The following SLC17A1 variants were observed in gnomAD, a reference collection of about 807,000 sequenced individuals.
The protein encoded by SLC17A1 is sodium-dependent phosphate transport protein 1.
A neutral mutation model predicts 53.5 loss-of-function variants in SLC17A1; 51 were observed. The observed-to-expected ratio is 0.95, with a 90% confidence interval of 0.76 to 1.20. SLC17A1 has a LOEUF of 1.20. Ranked by LOEUF, SLC17A1 falls within the 50% of genes most tolerant of loss-of-function variation. The pLI is 0.00. For synonymous variants in SLC17A1, 179 were observed against 198.8 expected, an observed-to-expected ratio of 0.90 and a Z score of 0.84; for missense variants, 538 against 568.2, an observed-to-expected ratio of 0.95 and a Z score of 0.54.
the SLC17A1 span, chr6:25,770,564 C>T: frequency 8.7e-7 from 1 of 1,150,988 alleles, no homozygotes; most frequent in Non-Finnish European, 1.3e-6. Context: ...ATATCAATCT[C>T]TGTGTCTTCA....
At chr6:25,821,352 C>T (rs6940698) in intron 3 of SLC17A1, among the ~76,000 whole-genome samples, 10,422 of 152,196 alleles carry the variant, frequency 0.068, 394 homozygotes, top group Non-Finnish European at 0.087. Context: ...GAGTGACTCT[C>T]TGAGAATACC....
intron 12 of SLC17A1, among the ~76,000 whole-genome samples, chr6:25,795,654 C>G (rs1411884099): frequency 6.6e-6 from 1 of 151,912 alleles, no homozygotes; most frequent in Non-Finnish European, 1.5e-5. Flanking sequence ...CAGCTATATG[C>G]CCTCTGCAAG....
chr6:25,736,387 C>G, the SLC17A1 span, among the ~76,000 whole-genome samples: 3 of 152,088 alleles, frequency 2.0e-5, no homozygotes, highest in African/African-American at 7.2e-5. Context: ...ACCATGGCCC[C>G]GTATCTCAGT....
intron 10 of SLC17A1, among the ~76,000 whole-genome samples, chr6:25,803,007 C>T (rs9467602): frequency 0.1 from 14,011 of 138,238 alleles, 1,503 homozygotes; most frequent in African/African-American, 0.29. Context: ...AGTGCAGTGG[C>T]CCCATCTCGG....
At chr6:25,734,447 T>A in the SLC17A1 span, among the ~76,000 whole-genome samples, 1 of 152,292 alleles carries the variant, frequency 6.6e-6, no homozygotes, top group East Asian at 1.9e-4. Flanking sequence ...AGGCTTCTTC[T>A]TAGACATTTA....
chr6:25,814,207 C>T (rs1296806868), intron 6 of SLC17A1, among the ~76,000 whole-genome samples: 1 of 152,316 alleles, frequency 6.6e-6, no homozygotes, highest in African/African-American at 2.4e-5. Flanking sequence ...TTCCAGAAGA[C>T]TTGCATTCAT....
At chr6:25,726,877 A>G in the SLC17A1 span, 2 of 1,581,068 alleles carry the variant, frequency 1.3e-6, no homozygotes, top group East Asian at 2.2e-5. Context: ...CTGGAAAAGA[A>G]CCGTGTAACG....
chr6:25,749,698 C>T, the SLC17A1 span, among the ~76,000 whole-genome samples: 1 of 151,940 alleles, frequency 6.6e-6, no homozygotes, highest in Non-Finnish European at 1.5e-5. Flanking sequence ...TCTACTCGAC[C>T]CCATGGTAGA....
At chr6:25,808,697 G>A (rs1037133885) in intron 10 of SLC17A1, among the ~76,000 whole-genome samples, 2 of 151,808 alleles carry the variant, frequency 1.3e-5, no homozygotes, top group East Asian at 1.9e-4. Context: ...TTAAAACCAC[G>A]ATGAGATAAC....
the SLC17A1 span, among the ~76,000 whole-genome samples, chr6:25,775,609 G>T: frequency 6.6e-6 from 1 of 151,744 alleles, no homozygotes; most frequent in East Asian, 2.0e-4. Flanking sequence ...CTAATTTTTT[G>T]TGGAGATGAG....
intron 2 of SLC17A1, 21 bp from the exon 3 acceptor site, chr6:25,826,654 T>A: frequency 6.5e-7 from 1 of 1,532,066 alleles, no homozygotes; most frequent in Non-Finnish European, 8.8e-7. Flanking sequence ...AAACAGAAAG[T>A]CGCAATTGCT....
the SLC17A1 span, among the ~76,000 whole-genome samples, chr6:25,763,584 T>A: frequency 1.3e-5 from 2 of 152,182 alleles, no homozygotes; most frequent in Non-Finnish European, 2.9e-5. Flanking sequence ...CAAAGGCCAC[T>A]CATATCTTTG....
chr6:25,730,502 G>A, the SLC17A1 span, among the ~76,000 whole-genome samples: 1 of 152,178 alleles, frequency 6.6e-6, no homozygotes, highest in African/African-American at 2.4e-5. Flanking sequence ...TAGAGTTGGG[G>A]AGTGGTGGGA....
the SLC17A1 span, among the ~76,000 whole-genome samples, chr6:25,742,043 T>C: frequency 6.6e-6 from 1 of 152,074 alleles, no homozygotes; most frequent in South Asian, 2.1e-4. Context: ...CTCAGAAAAA[T>C]GTTGTAAAAG....
At chr6:25,823,074 G>C (rs1442194841) in intron 3 of SLC17A1, among the ~76,000 whole-genome samples, 1 of 151,764 alleles carries the variant, frequency 6.6e-6, no homozygotes, top group Non-Finnish European at 1.5e-5. Context: ...TTATTGTCTA[G>C]CTTATTTCAC....
chr6:25,756,537 C>T, the SLC17A1 span, among the ~76,000 whole-genome samples: 5 of 152,240 alleles, frequency 3.3e-5, no homozygotes, highest in African/African-American at 1.2e-4. Flanking sequence ...AACTTTCTCG[C>T]AGGTGTACTG....
the SLC17A1 span, chr6:25,726,798 T>TA: frequency 2.2e-6 from 3 of 1,347,764 alleles, no homozygotes; most frequent in Non-Finnish European, 3.0e-6. Flanking sequence ...TGGCGAGACT[T>TA]GGAGCTGAGG....
At chr6:25,771,382 T>C in the SLC17A1 span, among the ~76,000 whole-genome samples, 2 of 152,114 alleles carry the variant, frequency 1.3e-5, no homozygotes, top group Non-Finnish European at 2.9e-5. Flanking sequence ...GAAACCAGCC[T>C]GGCCAACATG....
chr6:25,792,443 C>T (rs1353921345), intron 12 of SLC17A1, among the ~76,000 whole-genome samples: 1 of 151,482 alleles, frequency 6.6e-6, no homozygotes, highest in Non-Finnish European at 1.5e-5. Context: ...GTCTACAAGT[C>T]TTCCACATAT....
Sources: allele counts gnomAD v4.1 joint callset (sites outside exome capture counted in the v4.1 genomes callset), GRCh38; gene constraint gnomAD v4.1.1; transcripts MANE v1.5; gene names NCBI Gene and HGNC (gene_info 2026-07-23, HGNC 2026-07-21).